Variants in LY96 observed in about 807,000 individuals in gnomAD.
LY96 encodes the protein lymphocyte antigen 96.
LY96 carries 18 observed loss-of-function variants against 18.9 expected under a neutral mutation model. That is an observed-to-expected ratio of 0.95 (90% CI 0.66 to 1.41). LY96 has a LOEUF of 1.41. Among genes scored for constraint, LY96 ranks in the 40% most tolerant of loss-of-function variants. The pLI, the probability that LY96 is intolerant of heterozygous loss-of-function variation, is 0.00. For missense variants in LY96, 175 were observed against 182.4 expected (o/e 0.96, Z 0.23); for synonymous variants, 66 against 62.6 (o/e 1.06, Z -0.26).
At chr8:74,051,964 T>C in the LY96 span, among the ~76,000 whole-genome samples, 1 of 151,588 alleles carries the variant, frequency 6.6e-6, no homozygotes, top group Non-Finnish European at 1.5e-5. Context: ...CCTGTGTGAG[T>C]AAAATTTATT....
chr8:74,040,530 C>G, the LY96 span, among the ~76,000 whole-genome samples: 1 of 152,132 alleles, frequency 6.6e-6, no homozygotes, highest in Non-Finnish European at 1.5e-5. Flanking sequence ...AGATAGAGGT[C>G]TAGCTTCATT....
At position 73,998,975 on chromosome 8, in the gene LY96, A is replaced by ATT. The variant is rs35692787; in HGVS notation, c.113-5809_113-5808dup. On this transcript the variant is annotated intron_variant, in intron 1 of 4. Transcript: ENST00000284818. ...TTTCTTTTCCAGATAGCTTGTTATAATTTTTTTTTTTTTGAGGCCAAGTCT... is the reference window on the plus strand; with the variant it reads ...TTTCTTTTCCAGATAGCTTGTTATAATTTTTTTTTTTTTTTGAGGCCAAGTCT... Among the ~76,000 whole-genome samples the ATT allele has an allele frequency of 2.7e-3, 391 of 146,760 alleles. 4 individuals are homozygous for ATT. The highest frequency in any genetic ancestry group is 6.3e-3 in the African/African-American group (253 of 40,136).
the LY96 span, among the ~76,000 whole-genome samples, chr8:74,073,707 A>C: frequency 2.6e-5 from 4 of 151,990 alleles, no homozygotes; most frequent in Non-Finnish European, 5.9e-5. Flanking sequence ...TCTGTCACCC[A>C]GGCTGAAGTA....
At chr8:74,020,258 A>T (rs1816731533) in intron 3 of LY96, among the ~76,000 whole-genome samples, 2 of 152,358 alleles carry the variant, frequency 1.3e-5, no homozygotes, top group African/African-American at 4.8e-5. Flanking sequence ...AATCACAAGC[A>T]TTCCTATACA....
chr8:74,058,955 G>A, the LY96 span, among the ~76,000 whole-genome samples: 1 of 152,200 alleles, frequency 6.6e-6, no homozygotes, highest in Non-Finnish European at 1.5e-5. Flanking sequence ...AGTGCCAAGG[G>A]CAGGAATTGA....
the LY96 span, among the ~76,000 whole-genome samples, chr8:74,043,084 C>A: frequency 6.6e-6 from 1 of 152,124 alleles, no homozygotes; most frequent in Non-Finnish European, 1.5e-5. Flanking sequence ...CGGTTTGTTA[C>A]CTTTTGAAGA....
the LY96 span, among the ~76,000 whole-genome samples, chr8:74,044,539 G>C: frequency 6.6e-6 from 1 of 151,818 alleles, no homozygotes; most frequent in Admixed American, 6.6e-5. Context: ...TGTAAAATGT[G>C]AGTCAAAAAT....
the LY96 span, chr8:74,052,416 CTCT>C: frequency 6.6e-6 from 1 of 152,244 alleles, no homozygotes; most frequent in Admixed American, 6.5e-5. Context: ...CTGTTTCTGA[CTCT>C]TCTTTTCCTC....
the LY96 span, among the ~76,000 whole-genome samples, chr8:74,034,395 T>C: frequency 6.6e-6 from 1 of 152,058 alleles, no homozygotes; most frequent in East Asian, 1.9e-4. Flanking sequence ...AATTCTTTAA[T>C]AGAAAAGGAG....
the LY96 span, among the ~76,000 whole-genome samples, chr8:74,075,998 G>A: frequency 6.6e-6 from 1 of 152,160 alleles, no homozygotes. Flanking sequence ...ACCCAGAGTG[G>A]CTCTGTGAGC....
At chr8:74,022,830 C>T (rs1469511017) in intron 3 of LY96, among the ~76,000 whole-genome samples, 2 of 152,168 alleles carry the variant, frequency 1.3e-5, no homozygotes, top group South Asian at 2.1e-4. Context: ...CAGCCCACCT[C>T]GGCCTCCCAA....
chr8:74,057,604 G>GC, the LY96 span, among the ~76,000 whole-genome samples: 2 of 152,102 alleles, frequency 1.3e-5, no homozygotes, highest in Non-Finnish European at 2.9e-5. Context: ...TCTGGAATAG[G>GC]CCCAATTTCA....
intron 1 of LY96, among the ~76,000 whole-genome samples, chr8:73,997,518 C>T (rs754377940): frequency 3.3e-5 from 5 of 152,174 alleles, no homozygotes; most frequent in African/African-American, 4.8e-5. Flanking sequence ...GTAGCTTTCA[C>T]TACAATTAGA....
At chr8:74,034,533 TTTC>T in the LY96 span, among the ~76,000 whole-genome samples, 1 of 152,196 alleles carries the variant, frequency 6.6e-6, no homozygotes, top group African/African-American at 2.4e-5. Context: ...GGTTATCATT[TTTC>T]TTCTTATTTT....
At chr8:73,993,767 T>C (rs149923973) in intron 1 of LY96, among the ~76,000 whole-genome samples, 2,218 of 152,056 alleles carry the variant, frequency 0.015, 40 homozygotes, top group African/African-American at 0.049. Flanking sequence ...TTTGTAGAGA[T>C]GGAGTCTTGC....
chr8:74,016,966 T>C (rs1346749742), intron 3 of LY96, among the ~76,000 whole-genome samples: 1 of 152,182 alleles, frequency 6.6e-6, no homozygotes, highest in Non-Finnish European at 1.5e-5. Context: ...GCAGAAAAGC[T>C]GAAAATTCTA....
At chr8:74,095,514 A>T in the LY96 span, among the ~76,000 whole-genome samples, 1 of 152,098 alleles carries the variant, frequency 6.6e-6, no homozygotes, top group East Asian at 1.9e-4. Flanking sequence ...CTTCCATGAA[A>T]CTGCTCGTGA....
downstream of LY96, among the ~76,000 whole-genome samples, chr8:74,033,448 T>C (rs1321988665): frequency 6.6e-6 from 1 of 152,244 alleles, no homozygotes; most frequent in Non-Finnish European, 1.5e-5. Flanking sequence ...GACTGAGTCC[T>C]TTGGCCCAAC....
downstream of LY96, among the ~76,000 whole-genome samples, chr8:74,030,860 A>G (rs543124191): frequency 6.6e-6 from 1 of 152,348 alleles, no homozygotes; most frequent in Admixed American, 6.5e-5. Context: ...CAGCCATTTA[A>G]AAATGATTAG....
Sources: allele counts gnomAD v4.1 joint callset (sites outside exome capture counted in the v4.1 genomes callset), GRCh38; gene constraint gnomAD v4.1.1; transcripts MANE v1.5; gene names NCBI Gene and HGNC (gene_info 2026-07-23, HGNC 2026-07-21).